PCDH15: variants seen among roughly 807,000 people sequenced by gnomAD.
The protein encoded by PCDH15 is protocadherin related 15.
Under a neutral mutation model 178.5 loss-of-function variants are expected in PCDH15, and 129 were observed. The ratio of observed to expected loss-of-function variants is 0.72; its 90% CI spans 0.63 to 0.84. PCDH15 has a LOEUF of 0.84. PCDH15 is among the 40% of genes least tolerant of loss of function. The pLI, the probability that PCDH15 is intolerant of heterozygous loss-of-function variation, is 0.00. For synonymous variants in PCDH15, 800 were observed against 732.0 expected (o/e 1.09, Z -1.50); for missense variants, 2,230 against 2,099.9 (o/e 1.06, Z -1.21).
intron 2 of PCDH15, among the ~76,000 whole-genome samples, chr10:55,029,914 A>C (rs1372325296): frequency 6.6e-6 from 1 of 152,154 alleles, no homozygotes; most frequent in Non-Finnish European, 1.5e-5. Flanking sequence ...AAAGAAACTG[A>C]ACTTTCCTAA....
At chr10:54,529,286 T>C (rs1160519995) in intron 2 of PCDH15, among the ~76,000 whole-genome samples, 2 of 152,058 alleles carry the variant, frequency 1.3e-5, no homozygotes, top group African/African-American at 2.4e-5. Flanking sequence ...TCACACTCAT[T>C]ACGCCTCTTC....
At chr10:54,584,454 GTT>G (rs950944391) in intron 2 of PCDH15, among the ~76,000 whole-genome samples, 8 of 151,658 alleles carry the variant, frequency 5.3e-5, no homozygotes, top group Non-Finnish European at 1.0e-4. Context: ...ACTCTCAATA[GTT>G]TTTTTTCTCA....
intron 2 of PCDH15, among the ~76,000 whole-genome samples, chr10:55,081,557 T>C (rs995084193): frequency 6.6e-6 from 1 of 152,156 alleles, no homozygotes; most frequent in Non-Finnish European, 1.5e-5. Flanking sequence ...GCAAGGCCTT[T>C]GGAAATGATT....
intron 2 of PCDH15, among the ~76,000 whole-genome samples, chr10:55,445,592 G>T (rs1839298389): frequency 6.6e-6 from 1 of 152,002 alleles, no homozygotes; most frequent in African/African-American, 2.4e-5. Context: ...TCTTTTTGTG[G>T]TTTGCTTTAT....
chr10:53,834,516 GTGTT>G (rs2077191151), intron 29 of PCDH15, among the ~76,000 whole-genome samples: 1 of 120,554 alleles, frequency 8.3e-6, no homozygotes, highest in Non-Finnish European at 1.6e-5. Context: ...ACACAGAAAT[GTGTT>G]TTTTTTTTTT....
chr10:53,823,655 C>CAGCAA (rs1029607106), intron 32 of PCDH15: 2 of 491,566 alleles, frequency 4.1e-6, no homozygotes, highest in African/African-American at 3.9e-5. Context: ...TAGTGTGATA[C>CAGCAA]AGCAAAGCAT....
At chr10:54,204,345 A>G (rs2050556359) in intron 10 of PCDH15, among the ~76,000 whole-genome samples, 1 of 79,832 alleles carries the variant, frequency 1.3e-5, no homozygotes, top group Admixed American at 1.6e-4. Flanking sequence ...ATCCAATTAT[A>G]AAGTGTTGCA....
At chr10:55,111,263 AC>A (rs1279559040) in intron 2 of PCDH15, among the ~76,000 whole-genome samples, 1 of 152,170 alleles carries the variant, frequency 6.6e-6, no homozygotes, top group African/African-American at 2.4e-5. Flanking sequence ...TCCTCTTAAA[AC>A]AAAAACAATT....
At chr10:54,205,262 A>C (rs565094763) in intron 10 of PCDH15, among the ~76,000 whole-genome samples, 1 of 152,120 alleles carries the variant, frequency 6.6e-6, no homozygotes. Flanking sequence ...TAGGGTGAGC[A>C]GCTGAGGCCA....
rs184605264 is a variant in PCDH15 at position 55,189,324 on chromosome 10, G to A, written c.-155-22673C>T. ...CTGCTTTAGCTCTCTTGGAATTTAA[G>A]TCAATATTTCAGATCATGTAAAGAT... On this transcript the variant is annotated intron_variant, in intron 1 of 5. Coordinates refer to the PCDH15 transcript ENST00000458638. 1.3e-3 allele frequency among the ~76,000 whole-genome samples: 199 copies of A among 152,026 alleles called. 1 individual carries two copies. Among genetic ancestry groups the A allele is most frequent in the Middle Eastern group, 6.8e-3 (2 of 294 alleles).
At chr10:54,103,795 C>A (rs2094857599) in intron 15 of PCDH15, among the ~76,000 whole-genome samples, 1 of 152,130 alleles carries the variant, frequency 6.6e-6, no homozygotes, top group Admixed American at 6.5e-5. Context: ...AATGCAGAAT[C>A]CCTACTTGGT....
In PCDH15 at chr10:54,727,745, A is replaced by G. The variant is rs1286387017; in HGVS notation, c.-28-63455T>C. Among the ~76,000 whole-genome samples, 7 of 151,494 alleles carry G rather than the reference A, an allele frequency of 4.6e-5. No homozygotes were observed. In the Admixed American group the frequency reaches 4.6e-4, roughly 10 times the overall value. ...AACTAAATACAATGAGACGTGACAA[A>G]GGGGATATTACCACTGATTTCAAAG... is the stretch of plus-strand genomic sequence containing the variant. On this transcript the variant is annotated intron_variant, in intron 1 of 37. Coordinates refer to ENST00000644397, the MANE Select transcript of PCDH15 (RefSeq NM_001384140.1).
rs530173968 is a variant in PCDH15, at chr10:53,948,620, T to C, written c.3123-7645A>G. 2.0e-5 allele frequency among the ~76,000 whole-genome samples: 3 copies of C among 152,298 alleles called. No homozygotes were observed. In the South Asian group the frequency reaches 6.2e-4, roughly 32 times the overall value. ...TGACTTATCCATTATAAATTGGTGA[T>C]AAAAATGTGATGATTTTGAATCAAG... is the stretch of plus-strand genomic sequence containing the variant. On this transcript the variant is annotated intron_variant, in intron 23 of 37. Transcript: ENST00000644397.
intron 2 of PCDH15, among the ~76,000 whole-genome samples, chr10:55,428,301 C>A (rs1475050128): frequency 2.6e-5 from 4 of 151,738 alleles, no homozygotes; most frequent in Admixed American, 2.0e-4. Context: ...TTATCTATTT[C>A]TTCTGTAATA....
chr10:55,337,202 TAGGC>T (rs770163652), intron 2 of PCDH15, among the ~76,000 whole-genome samples: 1 of 152,048 alleles, frequency 6.6e-6, no homozygotes, highest in Non-Finnish European at 1.5e-5. Context: ...AAAAATAAAA[TAGGC>T]AGAAGAGTGG....
In PCDH15 at chr10:53,959,848, A is replaced by T. The variant is rs755279665; in HGVS notation, c.3010-4T>A. 1.2e-6 allele frequency: 2 copies of T among 1,603,082 alleles called. No individual in the cohort carries two copies. The highest frequency in any genetic ancestry group is 1.7e-6 in the Non-Finnish European group (2 of 1,170,162). The stretch of plus-strand genomic sequence containing the variant: ...CATCAAAAGCAACCACCACCAACTT[A>T]AAAAGCAATAAAAATTCATGTTAAA... On this transcript the variant is annotated splice_polypyrimidine_tract_variant and splice_region_variant and intron_variant, in intron 22 of 37. Coordinates refer to ENST00000644397, the MANE Select transcript of PCDH15 (RefSeq NM_001384140.1).
chr10:55,107,169 A>G lies in PCDH15; in HGVS notation c.-80+59407T>C, dbSNP rs1018771285. Among the ~76,000 whole-genome samples, 8 of 152,300 alleles carry G rather than the reference A, an allele frequency of 5.3e-5. No homozygotes were observed. In the South Asian group the frequency reaches 1.7e-3, roughly 32 times the overall value. ...CTTTCAGAGGCTGCAGCCCATTAGC[A>G]GTATACTTTCTATTGGTATACACTT... On this transcript the variant is annotated intron_variant, in intron 2 of 5. Coordinates refer to the PCDH15 transcript ENST00000458638.
chr10:55,303,334 A>T (rs552859948), intron 1 of PCDH15, among the ~76,000 whole-genome samples: 1 of 152,288 alleles, frequency 6.6e-6, no homozygotes, highest in Admixed American at 6.5e-5. Context: ...TGCTTGAATC[A>T]GATTGTTGTA....
chr10:55,558,640 T>C (rs1842136427), intron 2 of PCDH15, among the ~76,000 whole-genome samples: 1 of 152,158 alleles, frequency 6.6e-6, no homozygotes, highest in Admixed American at 6.6e-5. Flanking sequence ...CTTTATACAA[T>C]TTTTAAACCA....
Sources: allele counts gnomAD v4.1 joint callset (sites outside exome capture counted in the v4.1 genomes callset), GRCh38; gene constraint gnomAD v4.1.1; transcripts MANE v1.5; gene names NCBI Gene and HGNC (gene_info 2026-07-23, HGNC 2026-07-21).